The following SLC25A16 variants were observed in gnomAD, a reference collection of about 807,000 sequenced individuals.
SLC25A16 encodes the protein mitochondrial coenzyme A transporter SLC25A16.
A neutral mutation model predicts 41.5 loss-of-function variants in SLC25A16; 39 were observed. The observed-to-expected ratio is 0.94, with a 90% CI of 0.73 to 1.23. SLC25A16 has a LOEUF of 1.23. Among genes scored for constraint, SLC25A16 ranks in the 50% most tolerant of loss-of-function variants. SLC25A16 has a pLI of 0.00. For missense variants in SLC25A16, 421 were observed against 426.9 expected (o/e 0.99, Z 0.12); for synonymous variants, 146 against 147.8 (o/e 0.99, Z 0.09).
rs1489814203 is a variant in SLC25A16 at position 68,527,501 on chromosome 10, C to G, written c.-126G>C. On this transcript the variant is annotated 5_prime_UTR_variant, in exon 1 of 9. Coordinates refer to ENST00000609923, the MANE Select transcript of SLC25A16 (RefSeq NM_152707.4). ...GGCGGGGCAAAGTAACACCCGGCGG[C>G]GCGGCGCCGGCTGATGGCGTACAGC... 1.1e-6 allele frequency: 1 copy of G among 908,870 alleles called. No individual in the cohort carries two copies. Among genetic ancestry groups the G allele is most frequent in the Non-Finnish European group, 1.6e-6 (1 of 642,940 alleles). The allele number at this position is 908,870 out of a possible 1,614,324, so 56.3% of individuals were successfully genotyped here.
Position 68,478,077 on chromosome 10 carries a change from G to T in SLC25A16, c.*5355C>A, listed in dbSNP as rs1442039068. ...AGTTTCATTTGAACAGTGTATTACT[G>T]TATTAAAGTATAGCATCATAGCTAA... On this transcript the variant is annotated 3_prime_UTR_variant, in exon 9 of 9. Transcript: ENST00000609923. 6.6e-6 allele frequency: 1 copy of T among 152,090 alleles called. No homozygotes were observed. The highest frequency in any genetic ancestry group is 2.4e-5 in the African/African-American group (1 of 41,416). The allele number at this position is 152,090 out of a possible 1,614,324, so 9.4% of individuals were successfully genotyped here. A position where few individuals can be genotyped will look rare whatever the true frequency, so the allele number is the denominator to read the frequency against.
chr10:68,525,945 C>G lies in SLC25A16; in HGVS notation c.130+1301G>C, dbSNP rs2053330629. ...TCACCACTCCCTAATCTCAAGTACCCAGGGACACAAAAACTGCGGAAGGCC... is the reference window on the plus strand; with the variant it reads ...TCACCACTCCCTAATCTCAAGTACCGAGGGACACAAAAACTGCGGAAGGCC... On this transcript the variant is annotated intron_variant, in intron 1 of 8. Coordinates refer to ENST00000609923, the MANE Select transcript of SLC25A16 (RefSeq NM_152707.4). Among the ~76,000 whole-genome samples, 3 of 151,954 alleles carry G rather than the reference C, an allele frequency of 2.0e-5. No individual in the cohort carries two copies. In the South Asian group the frequency reaches 6.3e-4, roughly 32 times the overall value.
intron 4 of SLC25A16, among the ~76,000 whole-genome samples, chr10:68,494,699 A>G (rs2052721039): frequency 7.1e-6 from 1 of 140,712 alleles, no homozygotes; most frequent in Non-Finnish European, 1.6e-5. Context: ...CAACATGGTG[A>G]AACCCCATCT....
At chr10:68,483,972 T>C (rs7091312) in intron 8 of SLC25A16, among the ~76,000 whole-genome samples, 33,520 of 152,100 alleles carry the variant, frequency 0.22, 4,652 homozygotes, top group African/African-American at 0.38. Context: ...CCCATAATAT[T>C]AATTTTTAAA....
At chr10:68,514,627 C>T (rs1401682689) in intron 2 of SLC25A16, among the ~76,000 whole-genome samples, 1 of 152,162 alleles carries the variant, frequency 6.6e-6, no homozygotes, top group Non-Finnish European at 1.5e-5. Context: ...GAGACTTTTA[C>T]GCATATTGCC....
chr10:68,521,807 C>T (rs987071355), intron 1 of SLC25A16, among the ~76,000 whole-genome samples: 25 of 150,994 alleles, frequency 1.7e-4, no homozygotes, highest in African/African-American at 5.3e-4. Flanking sequence ...CCGTTTTAGC[C>T]GGGATGGTCT....
chr10:68,517,974 GAAA>G (rs376167803), intron 1 of SLC25A16: 2 of 145,566 alleles, frequency 1.4e-5, no homozygotes, highest in Non-Finnish European at 3.0e-5. Context: ...CCATCTCAAA[GAAA>G]AAAAAAAATT....
At chr10:68,512,676 A>T (rs1310238410) in intron 2 of SLC25A16, among the ~76,000 whole-genome samples, 1 of 151,260 alleles carries the variant, frequency 6.6e-6, no homozygotes, top group Non-Finnish European at 1.5e-5. Flanking sequence ...ATAAATGATA[A>T]TTCACTCCTG....
intron 1 of SLC25A16, chr10:68,517,087 A>G: frequency 8.6e-7 from 1 of 1,168,538 alleles, no homozygotes; most frequent in Non-Finnish European, 1.1e-6. Context: ...CTAATACCTG[A>G]GGAAGGCTGG....
rs1564908736 is a variant in SLC25A16, at chr10:68,486,240, A to AAAAAAAAAAAAAAAAC, written c.842+903_842+904insGTTTTTTTTTTTTTTT. ...TCTCAAAAAAACAAAACAAAAAAAA[A>AAAAAAAAAAAAAAAAC]AAAAAAACACAACCTCTAAAATAAT... On this transcript the variant is annotated intron_variant, in intron 8 of 8. Coordinates refer to ENST00000609923, the MANE Select transcript of SLC25A16 (RefSeq NM_152707.4). 2.7e-4 allele frequency among the ~76,000 whole-genome samples: 40 copies of AAAAAAAAAAAAAAAAC among 146,830 alleles called. 1 individual carries two copies. The highest frequency in any genetic ancestry group is 1.0e-3 in the African/African-American group (39 of 37,766).
chr10:68,478,108 T>G lies in SLC25A16; in HGVS notation c.*5324A>C, dbSNP rs562976299. 9 of 152,306 alleles carry G rather than the reference T, an allele frequency of 5.9e-5. No individual in the cohort carries two copies. The South Asian group carries it at 1.9e-3, about 32-fold the overall frequency. The allele number at this position is 152,306 out of a possible 1,614,324, so 9.4% of individuals were successfully genotyped here. A position where few individuals can be genotyped will look rare whatever the true frequency, so the allele number is the denominator to read the frequency against. On this transcript the variant is annotated 3_prime_UTR_variant, in exon 9 of 9. Transcript: ENST00000609923. The stretch of plus-strand genomic sequence containing the variant: ...AAGTATAGCATCATAGCTAAAAGAA[T>G]AGGCTCTAGATTCAGACCGGCTGAA...
chr10:68,520,246 C>T (rs1255336180), intron 1 of SLC25A16, among the ~76,000 whole-genome samples: 3 of 151,920 alleles, frequency 2.0e-5, no homozygotes, highest in Admixed American at 1.3e-4. Context: ...CATGAGCCAC[C>T]GCACCCAGCC....
intron 2 of SLC25A16, among the ~76,000 whole-genome samples, chr10:68,509,764 TATAG>T (rs1017604752): frequency 2.0e-4 from 29 of 148,634 alleles, no homozygotes; most frequent in African/African-American, 6.1e-4. Context: ...GATATATAGA[TATAG>T]ATAGATAGAT....
intron 1 of SLC25A16, among the ~76,000 whole-genome samples, chr10:68,525,869 G>T (rs2053329404): frequency 6.6e-6 from 1 of 152,118 alleles, no homozygotes; most frequent in Non-Finnish European, 1.5e-5. Flanking sequence ...GGCGGTGCAA[G>T]ATGTGCTTTG....
Position 68,493,524 on chromosome 10 carries a change from G to C in SLC25A16, c.468C>G (p.Val156=), listed in dbSNP as rs772417658. ...ICTYPLDMVR[V]RLAFQVKGEH... is the part of the protein sequence containing the mutation. ...CCCCTTTCACCTGGAATGCTAGGCG[G>C]ACCCTAACCATGTCAAGAGGGTAAG... Residue 156 remains valine, a synonymous_variant, in exon 5 of 9, where the codon GTC becomes GTG. Coordinates refer to ENST00000609923, the MANE Select transcript of SLC25A16 (RefSeq NM_152707.4). The C allele has an allele frequency of 1.2e-6, 2 of 1,612,734 alleles. No homozygotes were observed. The highest frequency in any genetic ancestry group is 8.5e-7 in the Non-Finnish European group (1 of 1,178,908).
chr10:68,523,458 T>G (rs1300282735), intron 1 of SLC25A16, among the ~76,000 whole-genome samples: 1 of 151,940 alleles, frequency 6.6e-6, no homozygotes, highest in Non-Finnish European at 1.5e-5. Flanking sequence ...CTCGAATATT[T>G]TCCGTGTGAA....
At chr10:68,520,812 CAAA>C (rs563100705) in intron 1 of SLC25A16, among the ~76,000 whole-genome samples, 6 of 79,700 alleles carry the variant, frequency 7.5e-5, no homozygotes, top group Admixed American at 4.1e-4. Context: ...AACTCTGTCT[CAAA>C]AAAAAAAAAA....
chr10:68,508,164 A>G (rs139242872), intron 2 of SLC25A16, among the ~76,000 whole-genome samples: 3,626 of 152,156 alleles, frequency 0.024, 152 homozygotes, highest in African/African-American at 0.083. Context: ...GTGAGCCGAG[A>G]TTGCACCACT....
intron 4 of SLC25A16, among the ~76,000 whole-genome samples, chr10:68,495,219 T>C (rs2052730075): frequency 6.6e-6 from 1 of 151,966 alleles, no homozygotes; most frequent in Non-Finnish European, 1.5e-5. Flanking sequence ...CAGACCAGCC[T>C]GGCCAATATG....
Sources: allele counts gnomAD v4.1 joint callset (sites outside exome capture counted in the v4.1 genomes callset), GRCh38; gene constraint gnomAD v4.1.1; transcripts MANE v1.5; gene names NCBI Gene and HGNC (gene_info 2026-07-23, HGNC 2026-07-21).